The following ASAH1 variants were observed in gnomAD, a reference collection of about 807,000 sequenced individuals.
The protein encoded by ASAH1 is N-acylsphingosine amidohydrolase 1.
Under a neutral mutation model 59.5 loss-of-function variants are expected in ASAH1, and 70 were observed. The ratio of observed to expected loss-of-function variants is 1.18; its 90% confidence interval spans 0.97 to 1.43. The LOEUF (loss-of-function observed/expected upper bound fraction) is 1.43, where lower values mean the gene tolerates loss of function less well. ASAH1 is among the 40% of genes most tolerant of loss of function. The pLI is 0.00. For missense variants in ASAH1, 660 were observed against 482.5 expected, an observed-to-expected ratio of 1.37 and a Z score of -3.45; for synonymous variants, 213 against 166.5, an observed-to-expected ratio of 1.28 and a Z score of -2.15.
chr8:18,076,640 G>A (rs1020478996), intron 1 of ASAH1: 6 of 152,198 alleles, frequency 3.9e-5, no homozygotes, highest in African/African-American at 2.4e-5. Context: ...ATAAAGTAGA[G>A]TAGGTAAGAA....
intron 7 of ASAH1, 133 bp from the exon 8 acceptor site, chr8:18,062,556 C>T (rs909422096): frequency 1.5e-5 from 15 of 1,001,076 alleles, no homozygotes; most frequent in Admixed American, 9.8e-5. Flanking sequence ...AAGACCTTTA[C>T]AATATGGTAT....
At chr8:18,058,212 G>A (rs1213047354) in intron 13 of ASAH1, 3 of 153,706 alleles carry the variant, frequency 2.0e-5, no homozygotes, top group African/African-American at 7.2e-5. Context: ...CTTCCTGTGA[G>A]AGCCAGGGTG....
rs1799518209 is a variant in ASAH1 at position 18,057,479 on chromosome 8, A to G, written c.*55T>C. The stretch of plus-strand genomic sequence containing the variant: ...TCAGACAGCTGCAGTGTTCGGTCAC[A>G]TGGAGATGGTGTCTTCATGTCTCAG... On this transcript the variant is annotated 3_prime_UTR_variant, in exon 14 of 14. Transcript: ENST00000637790. 5.7e-6 allele frequency: 8 copies of G among 1,401,908 alleles called. No homozygotes were observed. In the South Asian group the frequency reaches 6.9e-5, roughly 12 times the overall value. The allele number at this position is 1,401,908 out of a possible 1,614,324, so 86.8% of individuals were successfully genotyped here.
rs368348229 is a variant in ASAH1 at position 18,066,963 on chromosome 8, G to A, written c.382+257C>T. 1.5e-5 allele frequency: 6 copies of A among 408,154 alleles called. No individual in the cohort carries two copies. The East Asian group carries it at 2.1e-4, about 14-fold the overall frequency. 25.3% of individuals were successfully genotyped at this position (408,154 alleles called of 1,614,324 possible). ...TAGTGACATCAGAATAGTGTTTACTGGAGGAGGCAGTATTTTCTGCAAAGG... is the reference window on the plus strand; with the variant it reads ...TAGTGACATCAGAATAGTGTTTACTAGAGGAGGCAGTATTTTCTGCAAAGG... On this transcript the variant is annotated intron_variant, in intron 5 of 13. Transcript: ENST00000637790.
chr8:18,062,485 G>A, intron 7 of ASAH1, 62 bp from the exon 8 acceptor site: 1 of 1,578,468 alleles, frequency 6.3e-7, no homozygotes, highest in Admixed American at 1.7e-5. Context: ...TCAACATGAT[G>A]ATGAGGGCCA....
intron 2 of ASAH1, among the ~76,000 whole-genome samples, chr8:18,072,356 C>G (rs1239310497): frequency 6.6e-6 from 1 of 152,158 alleles, no homozygotes; most frequent in Non-Finnish European, 1.5e-5. Flanking sequence ...GGGTTATTAC[C>G]TAAGTCATGA....
At chr8:18,073,888 C>T (rs1161880804) in intron 2 of ASAH1, among the ~76,000 whole-genome samples, 4 of 151,676 alleles carry the variant, frequency 2.6e-5, no homozygotes, top group Admixed American at 6.6e-5. Context: ...AGAAAGCTAG[C>T]GAAAAAATGA....
chr8:18,074,505 CATCTTGATATCACTAGATA>C (rs1428444626), intron 2 of ASAH1, among the ~76,000 whole-genome samples: 2 of 152,178 alleles, frequency 1.3e-5, no homozygotes, highest in African/African-American at 4.8e-5. Context: ...CTGAAAATGT[CATCTTGATATCACTAGATA>C]GAGTTGTACT....
chr8:18,084,095 A>T lies in ASAH1; in HGVS notation c.-37T>A, dbSNP rs1272662384. On this transcript the variant is annotated 5_prime_UTR_variant, in exon 1 of 14. Transcript: ENST00000637790. ...CCAACGCCACTCCCCGGACTCCAGC[A>T]GAGGCAAAGAAGAGCCGGCTGGGCC... 1 of 1,596,904 alleles carries T rather than the reference A, an allele frequency of 6.3e-7. No individual in the cohort carries two copies. The highest frequency in any genetic ancestry group is 8.5e-7 in the Non-Finnish European group (1 of 1,179,226).
Position 18,057,513 on chromosome 8 carries a change from T to A in ASAH1, c.*21A>T. ...GTGTCTTCATGTCTCAGAGGCCGCATTCTGTAGGCCAGACGTGTGCTCACC... is the reference window on the plus strand; with the variant it reads ...GTGTCTTCATGTCTCAGAGGCCGCAATCTGTAGGCCAGACGTGTGCTCACC... On this transcript the variant is annotated 3_prime_UTR_variant, in exon 14 of 14. Coordinates refer to ENST00000637790, the MANE Select transcript of ASAH1 (RefSeq NM_177924.5). 6.4e-7 allele frequency: 1 copy of A among 1,566,336 alleles called. No homozygotes were observed. Among genetic ancestry groups the A allele is most frequent in the African/African-American group, 1.4e-5 (1 of 73,720 alleles).
intron 3 of ASAH1, among the ~76,000 whole-genome samples, chr8:18,070,396 C>A (rs889096740): frequency 6.6e-6 from 1 of 152,120 alleles, no homozygotes; most frequent in Non-Finnish European, 1.5e-5. Context: ...GATCCACCCG[C>A]CTCGGCCTCC....
chr8:18,084,820 C>G (rs757175678), upstream of ASAH1: 2 of 1,612,462 alleles, frequency 1.2e-6, no homozygotes, highest in South Asian at 1.1e-5. Context: ...TGTGTTTCCT[C>G]CTAACTGGCG....
intron 5 of ASAH1, chr8:18,065,868 TA>T (rs1459422614): frequency 1.4e-5 from 2 of 147,150 alleles, no homozygotes; most frequent in African/African-American, 5.1e-5. Context: ...CCTGATTGTA[TA>T]TACAGATACA....
chr8:18,069,310 A>G (rs1034262134), intron 4 of ASAH1, among the ~76,000 whole-genome samples: 3 of 152,130 alleles, frequency 2.0e-5, no homozygotes, highest in African/African-American at 4.8e-5. Flanking sequence ...TTCCTGCATG[A>G]TGAGGATGAA....
chr8:18,061,997 C>T, intron 8 of ASAH1: 1 of 619,814 alleles, frequency 1.6e-6, no homozygotes, highest in Non-Finnish European at 2.8e-6. Flanking sequence ...GCCTGACTTG[C>T]CTAAGTGAGC....
At chr8:18,075,440 T>C in intron 2 of ASAH1, 101 bp downstream of exon 2, 2 of 1,249,578 alleles carry the variant, frequency 1.6e-6, no homozygotes, top group Non-Finnish European at 2.4e-6. Flanking sequence ...GAAACATGAC[T>C]TAAGATTTTA....
intron 1 of ASAH1, among the ~76,000 whole-genome samples, chr8:18,081,327 C>G (rs1800644031): frequency 6.6e-6 from 1 of 152,128 alleles, no homozygotes; most frequent in African/African-American, 2.4e-5. Flanking sequence ...TTCAACGCAC[C>G]CTGTTTTCTT....
intron 2 of ASAH1, among the ~76,000 whole-genome samples, chr8:18,072,767 C>T (rs1294445603): frequency 6.6e-6 from 1 of 152,170 alleles, no homozygotes; most frequent in Non-Finnish European, 1.5e-5. Flanking sequence ...GCAGGTATTA[C>T]TAGTCTCCCC....
Position 18,069,161 on chromosome 8 carries a change from A to G in ASAH1, c.303+631T>C, listed in dbSNP as rs1800054857. 2.1e-5 allele frequency among the ~76,000 whole-genome samples: 3 copies of G among 143,308 alleles called. No homozygotes were observed. The Admixed American group carries it at 2.2e-4, about 10-fold the overall frequency. The allele number at this position is 143,308 out of a possible 152,430, so 94.0% of individuals were successfully genotyped here. A position where few individuals can be genotyped will look rare whatever the true frequency, so the allele number is the denominator to read the frequency against. On this transcript the variant is annotated intron_variant, in intron 4 of 13. Coordinates refer to ENST00000637790, the MANE Select transcript of ASAH1 (RefSeq NM_177924.5). ...GTCTCAAAAAAAAAAAAAAAAAAAA[A>G]GCTGCCCAACCCCAAATGTCATTAA... is the stretch of plus-strand genomic sequence containing the variant.
Sources: allele counts gnomAD v4.1 joint callset (sites outside exome capture counted in the v4.1 genomes callset), GRCh38; gene constraint gnomAD v4.1.1; transcripts MANE v1.5; gene names NCBI Gene and HGNC (gene_info 2026-07-23, HGNC 2026-07-21).